Variants in DOCK7 observed in about 807,000 individuals in gnomAD.
The protein encoded by DOCK7 is dedicator of cytokinesis 7.
DOCK7 carries 138 observed loss-of-function variants against 271.0 expected under a neutral mutation model. The ratio of observed to expected loss-of-function variants is 0.51; its 90% confidence interval spans 0.44 to 0.59. The LOEUF is 0.59. Among genes scored for constraint, DOCK7 ranks in the 20% least tolerant of loss-of-function variants. DOCK7 has a pLI of 0.00. For missense variants in DOCK7, 2,066 were observed against 2,592.4 expected, an observed-to-expected ratio of 0.80 and a Z score of 4.41; for synonymous variants, 823 against 876.1, an observed-to-expected ratio of 0.94 and a Z score of 1.07.
chr1:62,671,911 T>C (rs1172808579), intron 1 of DOCK7, among the ~76,000 whole-genome samples: 1 of 151,074 alleles, frequency 6.6e-6, no homozygotes, highest in Admixed American at 6.6e-5. Flanking sequence ...CAAGCCCTAC[T>C]ATTACATAAA....
intron 18 of DOCK7, among the ~76,000 whole-genome samples, chr1:62,564,608 T>C (rs564661680): frequency 3.3e-5 from 5 of 152,108 alleles, no homozygotes; most frequent in Non-Finnish European, 5.9e-5. Context: ...AGGAAAGATC[T>C]AAAATTGACA....
chr1:62,504,096 A>G (rs1342090331), intron 37 of DOCK7, among the ~76,000 whole-genome samples: 1 of 152,048 alleles, frequency 6.6e-6, no homozygotes, highest in East Asian at 1.9e-4. Flanking sequence ...TAAAAAGAAA[A>G]CACAAACTGA....
rs571288691 is a variant in DOCK7, at chr1:62,468,902, T to C, written c.6212+5080A>G. ...CCTCTACAAGGAAAACTACAAAACA[T>C]TGCTGAACTAAATCACAGACGACAC... On this transcript the variant is annotated intron_variant, in intron 48 of 49. Coordinates refer to ENST00000635253, the MANE Select transcript of DOCK7 (RefSeq NM_001367561.1). Among the ~76,000 whole-genome samples, 51 of 151,792 alleles carry C rather than the reference T, an allele frequency of 3.4e-4. 1 individual carries two copies. The highest frequency in any genetic ancestry group is 6.9e-3 in the Middle Eastern group (2 of 288).
At chr1:62,627,715 C>T (rs1654121274) in intron 11 of DOCK7, 1 of 151,764 alleles carries the variant, frequency 6.6e-6, no homozygotes, top group Non-Finnish European at 1.5e-5. Flanking sequence ...AATGACACAA[C>T]ACTGAAAAAA....
At chr1:62,639,346 A>T (rs1254332069) in intron 7 of DOCK7, among the ~76,000 whole-genome samples, 1 of 151,918 alleles carries the variant, frequency 6.6e-6, no homozygotes. Flanking sequence ...TAGGAAACAC[A>T]GCAAGATCCA....
intron 41 of DOCK7, among the ~76,000 whole-genome samples, chr1:62,490,054 C>T (rs1646414138): frequency 7.9e-6 from 1 of 126,716 alleles, no homozygotes; most frequent in African/African-American, 2.8e-5. Context: ...TCTTCTATCC[C>T]TTATCCTTTT....
intron 29 of DOCK7, among the ~76,000 whole-genome samples, chr1:62,532,763 T>G (rs1645217116): frequency 6.6e-6 from 1 of 152,182 alleles, no homozygotes; most frequent in South Asian, 2.1e-4. Flanking sequence ...CAACATTGCT[T>G]CAAGAGGAGA....
At chr1:62,572,994 T>C (rs1320226538) in intron 18 of DOCK7, among the ~76,000 whole-genome samples, 40 of 152,202 alleles carry the variant, frequency 2.6e-4, no homozygotes, top group Admixed American at 2.6e-3. Flanking sequence ...AAATTTGGTA[T>C]ATAAATTATT....
chr1:62,599,083 GA>G (rs541063451), intron 14 of DOCK7, among the ~76,000 whole-genome samples: 43 of 151,846 alleles, frequency 2.8e-4, no homozygotes, highest in African/African-American at 9.2e-4. Context: ...ATTATTGTAA[GA>G]AAAAAAATTA....
chr1:62,633,858 C>A, intron 9 of DOCK7: 1 of 274,264 alleles, frequency 3.6e-6, no homozygotes. Flanking sequence ...AGCTTTTCCT[C>A]TAACATCATG....
At chr1:62,531,691 G>C (rs1316141517) in intron 29 of DOCK7, among the ~76,000 whole-genome samples, 1 of 152,192 alleles carries the variant, frequency 6.6e-6, no homozygotes, top group African/African-American at 2.4e-5. Context: ...TACGTAGCAA[G>C]CATGTGGATT....
intron 48 of DOCK7, among the ~76,000 whole-genome samples, chr1:62,471,011 C>A (rs1194784418): frequency 6.6e-6 from 1 of 152,176 alleles, no homozygotes; most frequent in African/African-American, 2.4e-5. Flanking sequence ...GACTCCTCAA[C>A]ATGAAGGCAA....
intron 2 of DOCK7, among the ~76,000 whole-genome samples, chr1:62,656,559 A>G (rs1431212273): frequency 6.6e-6 from 1 of 152,206 alleles, no homozygotes; most frequent in Non-Finnish European, 1.5e-5. Context: ...GGAAAGATGA[A>G]GTAGAAGTAC....
chr1:62,651,158 A>C (rs1215947984), intron 4 of DOCK7, among the ~76,000 whole-genome samples: 1 of 151,870 alleles, frequency 6.6e-6, no homozygotes, highest in Non-Finnish European at 1.5e-5. Context: ...ACATGGATGA[A>C]GCTGGAAACC....
At chr1:62,663,165 GAAAA>G in intron 1 of DOCK7, 35 bp from the exon 2 acceptor site, 4 of 1,040,938 alleles carry the variant, frequency 3.8e-6, no homozygotes, top group South Asian at 3.4e-5. Context: ...ACGCATTATT[GAAAA>G]AAAAAAAAAC....
At chr1:62,619,796 G>A (rs1652913145) in intron 13 of DOCK7, 104 bp downstream of exon 13, 1 of 606,230 alleles carries the variant, frequency 1.6e-6, no homozygotes, top group Non-Finnish European at 2.7e-6. Flanking sequence ...ATAGAAAAAT[G>A]TCTGGGCCAG....
chr1:62,559,528 A>T (rs1033358214), intron 19 of DOCK7, among the ~76,000 whole-genome samples: 1 of 151,642 alleles, frequency 6.6e-6, no homozygotes, highest in Non-Finnish European at 1.5e-5. Flanking sequence ...ACTTTTGTCC[A>T]TTATTAATTT....
chr1:62,496,453 G>A lies in DOCK7; in HGVS notation c.4809C>T (p.Ser1603=). 6.2e-7 allele frequency: 1 copy of A among 1,613,558 alleles called. No individual in the cohort carries two copies. The highest frequency in any genetic ancestry group is 8.5e-7 in the Non-Finnish European group (1 of 1,179,684). The change falls in exon 38 of 50, where the codon TCC becomes TCT. Residue 1603 remains serine (S), a synonymous_variant. Coordinates refer to ENST00000635253, the MANE Select transcript of DOCK7 (RefSeq NM_001367561.1). ...TAAAATTCTGAGATGTGCCCACCAA[G>A]GAGGATAGTGACATTGTTACCTGCA... The part of the protein sequence containing the change: ...VKMQVTMSLS[S]LVGTSQNFNE...
At chr1:62,670,947 T>C (rs1039279603) in intron 1 of DOCK7, among the ~76,000 whole-genome samples, 5 of 152,110 alleles carry the variant, frequency 3.3e-5, no homozygotes, top group African/African-American at 1.2e-4. Flanking sequence ...TTTTATGAGC[T>C]GTAACACTCC....
Sources: gnomAD v4.1 joint callset for allele counts (sites outside exome capture counted in the v4.1 genomes callset) on GRCh38, gnomAD v4.1.1 for gene constraint, MANE v1.5 for transcripts, NCBI Gene and HGNC (gene_info 2026-07-23, HGNC 2026-07-21) for gene names.